Variants in LUZP2 observed in about 807,000 individuals in gnomAD.
The protein encoded by LUZP2 is leucine zipper protein 2.
In LUZP2, 52 loss-of-function variants were observed where a neutral mutation model predicts 51.6. That is an observed-to-expected ratio of 1.01 (90% confidence interval 0.81 to 1.27). The LOEUF (loss-of-function observed/expected upper bound fraction) is 1.27, where lower values mean the gene tolerates loss of function less well. Ranked by LOEUF, LUZP2 falls within the 50% of genes most tolerant of loss-of-function variation. The pLI is 0.00. For synonymous variants in LUZP2, 154 were observed against 137.3 expected (o/e 1.12, Z -0.85); for missense variants, 436 against 395.4 (o/e 1.10, Z -0.87).
At chr11:24,992,321 A>G (rs1007214394) in intron 9 of LUZP2, among the ~76,000 whole-genome samples, 1 of 152,014 alleles carries the variant, frequency 6.6e-6, no homozygotes, top group Non-Finnish European at 1.5e-5. Context: ...ATTGTACTCT[A>G]TTTTGGAAAA....
At chr11:24,534,410 T>G (rs181030487) in intron 1 of LUZP2, among the ~76,000 whole-genome samples, 1 of 150,710 alleles carries the variant, frequency 6.6e-6, no homozygotes, top group African/African-American at 2.4e-5. Flanking sequence ...TAGAAAGATT[T>G]CTACATATAG....
intron 10 of LUZP2, among the ~76,000 whole-genome samples, chr11:25,074,540 A>T (rs533945504): frequency 6.6e-6 from 1 of 152,202 alleles, no homozygotes; most frequent in Non-Finnish European, 1.5e-5. Context: ...TTGTGCTAGC[A>T]TTAATGAAAT....
At chr11:25,077,260 G>A (rs1221112544) in intron 10 of LUZP2, 69 bp from the exon 11 acceptor site, 1 of 1,170,446 alleles carries the variant, frequency 8.5e-7, no homozygotes, top group East Asian at 2.5e-5. Context: ...TCAAGAGAGT[G>A]TTTTTGACTC....
chr11:24,968,704 C>A (rs2133892285), intron 7 of LUZP2, among the ~76,000 whole-genome samples: 1 of 152,346 alleles, frequency 6.6e-6, no homozygotes, highest in East Asian at 1.9e-4. Flanking sequence ...CTTCATATTT[C>A]TCTGATGCCC....
In LUZP2 at chr11:24,956,808, A is replaced by G. The variant is rs112682858; in HGVS notation, c.523-19783A>G. Among the ~76,000 whole-genome samples, 358 of 152,246 alleles carry G rather than the reference A, an allele frequency of 2.4e-3. 1 individual carries two copies. Among genetic ancestry groups the G allele is most frequent in the African/African-American group, 8.1e-3 (335 of 41,564 alleles). ...GAGAAATCTTAATGGGAAAATTACC[A>G]GAAGAGTTGATGATCAGCTATTTCA... On this transcript the variant is annotated intron_variant, in intron 7 of 11. Transcript: ENST00000336930.
chr11:24,896,717 G>T (rs1853073195), intron 5 of LUZP2, among the ~76,000 whole-genome samples: 5 of 152,244 alleles, frequency 3.3e-5, no homozygotes, highest in Admixed American at 3.3e-4. Flanking sequence ...AGCTCCACCG[G>T]TGGCCCCGGC....
rs975726676 is a variant in LUZP2, at chr11:24,639,669, T to C, written c.63-89500T>C. Among the ~76,000 whole-genome samples the C allele has an allele frequency of 4.0e-5, 6 of 151,882 alleles. No individual in the cohort carries two copies. In the East Asian group the frequency reaches 1.2e-3, roughly 29 times the overall value. ...TTTCACCACGTTGGTCAGGCTGGTC[T>C]CTAACTCACAACCTCATCTGACCCA... On this transcript the variant is annotated intron_variant, in intron 1 of 11. Coordinates refer to ENST00000336930, the MANE Select transcript of LUZP2 (RefSeq NM_001009909.4).
intron 1 of LUZP2, among the ~76,000 whole-genome samples, chr11:24,535,643 T>G (rs1851154428): frequency 6.6e-6 from 1 of 151,568 alleles, no homozygotes; most frequent in African/African-American, 2.4e-5. Context: ...TTTATTTTTC[T>G]TGCAATCTCC....
intron 5 of LUZP2, among the ~76,000 whole-genome samples, chr11:24,883,684 CT>C (rs1852566959): frequency 6.6e-6 from 1 of 151,912 alleles, no homozygotes; most frequent in Admixed American, 6.6e-5. Flanking sequence ...CATTTATGTC[CT>C]TCAGTCATTA....
chr11:24,935,914 G>A (rs1367827899), intron 7 of LUZP2, among the ~76,000 whole-genome samples: 4 of 152,090 alleles, frequency 2.6e-5, no homozygotes, highest in Admixed American at 2.6e-4. Flanking sequence ...GAAGACAAGA[G>A]CAAATTATTA....
At chr11:24,674,341 C>T (rs1261609163) in intron 1 of LUZP2, among the ~76,000 whole-genome samples, 1 of 152,152 alleles carries the variant, frequency 6.6e-6, no homozygotes, top group Non-Finnish European at 1.5e-5. Flanking sequence ...CCTTTGGGTA[C>T]TTTTATGTTC....
At chr11:25,043,608 T>G (rs983462792) in intron 9 of LUZP2, among the ~76,000 whole-genome samples, 2 of 92,400 alleles carry the variant, frequency 2.2e-5, no homozygotes, top group Non-Finnish European at 5.6e-5. Context: ...TTGATTAAAT[T>G]ACTCCATCTT....
chr11:24,607,719 G>A (rs1044705498), intron 1 of LUZP2, among the ~76,000 whole-genome samples: 1 of 151,990 alleles, frequency 6.6e-6, no homozygotes, highest in South Asian at 2.1e-4. Flanking sequence ...TGTTGGGGTA[G>A]TATGGACTTT....
At chr11:24,981,507 G>A (rs531464552) in intron 8 of LUZP2, among the ~76,000 whole-genome samples, 35 of 151,740 alleles carry the variant, frequency 2.3e-4, no homozygotes, top group African/African-American at 6.8e-4. Flanking sequence ...CCTATATCTC[G>A]TGTTGACCTC....
chr11:25,080,508 G>A lies in LUZP2; in HGVS notation c.*1850G>A, dbSNP rs1859433388. 1 of 152,088 alleles carries A rather than the reference G, an allele frequency of 6.6e-6. No individual in the cohort carries two copies. Among genetic ancestry groups the A allele is most frequent in the African/African-American group, 2.4e-5 (1 of 41,426 alleles). The allele number at this position is 152,088 out of a possible 1,614,324, so 9.4% of individuals were successfully genotyped here. ...GAAAAAAATAATTAGCTTTATGGAT[G>A]ATCCATAGAGCTTTCAGATGAAGTG... On this transcript the variant is annotated 3_prime_UTR_variant, in exon 12 of 12. Coordinates refer to ENST00000336930, the MANE Select transcript of LUZP2 (RefSeq NM_001009909.4).
At chr11:24,517,430 G>A (rs1023925472) in intron 1 of LUZP2, among the ~76,000 whole-genome samples, 6 of 120,896 alleles carry the variant, frequency 5.0e-5, no homozygotes, top group Non-Finnish European at 6.3e-5. Flanking sequence ...AGCTTGCAGT[G>A]AGCCAAGATC....
At chr11:24,813,885 C>T (rs1468487970) in intron 5 of LUZP2, among the ~76,000 whole-genome samples, 1 of 152,182 alleles carries the variant, frequency 6.6e-6, no homozygotes, top group Non-Finnish European at 1.5e-5. Context: ...CCTAACCTTC[C>T]AGTACATGAT....
At chr11:24,712,644 T>A (rs755022191) in intron 1 of LUZP2, among the ~76,000 whole-genome samples, 1 of 152,122 alleles carries the variant, frequency 6.6e-6, no homozygotes, top group Non-Finnish European at 1.5e-5. Flanking sequence ...TTTTGGTTAA[T>A]GACTTAGCAA....
intron 7 of LUZP2, among the ~76,000 whole-genome samples, chr11:24,916,320 T>A (rs1590724936): frequency 6.6e-6 from 1 of 152,198 alleles, no homozygotes; most frequent in East Asian, 1.9e-4. Context: ...GTGCTCTTTT[T>A]ATTTTTTATT....
Sources: gnomAD v4.1 joint callset for allele counts (sites outside exome capture counted in the v4.1 genomes callset) on GRCh38, gnomAD v4.1.1 for gene constraint, MANE v1.5 for transcripts, NCBI Gene and HGNC (gene_info 2026-07-23, HGNC 2026-07-21) for gene names.